CPOX: variants seen among roughly 807,000 people sequenced by gnomAD.
CPOX encodes the protein oxygen-dependent coproporphyrinogen-III oxidase, mitochondrial.
Under a neutral mutation model 48.9 loss-of-function variants are expected in CPOX, and 24 were observed. The ratio of observed to expected loss-of-function variants is 0.49; its 90% CI spans 0.36 to 0.69. CPOX has a LOEUF of 0.69. Ranked by LOEUF, CPOX falls within the 30% of genes least tolerant of loss-of-function variation. The probability of loss-of-function intolerance (pLI) is 0.00; values close to 1 mark genes in which losing one functional copy is unlikely to be tolerated. For synonymous variants in CPOX, 249 were observed against 234.6 expected (o/e 1.06, Z -0.56); for missense variants, 549 against 597.3 (o/e 0.92, Z 0.84).
chr3:98,593,569 A>G lies in CPOX; in HGVS notation c.-65T>C. On this transcript the variant is annotated 5_prime_UTR_variant, in exon 1 of 7. Transcript: ENST00000647941. ...AGCCCTGCGTTTGAGCCCCCCACCC[A>G]GACCCCCGGAGTATTGAGCCGGCGA... 1 of 1,450,652 alleles carries G rather than the reference A, an allele frequency of 6.9e-7. No homozygotes were observed. The highest frequency in any genetic ancestry group is 9.2e-7 in the Non-Finnish European group (1 of 1,089,454). 89.9% of individuals were successfully genotyped at this position (1,450,652 alleles called of 1,614,324 possible). A position where few individuals can be genotyped will look rare whatever the true frequency, so the allele number is the denominator to read the frequency against.
chr3:98,588,811 T>C lies in CPOX; in HGVS notation c.855A>G (p.Pro285=). The C allele has an allele frequency of 6.2e-7, 1 of 1,614,216 alleles. No individual in the cohort carries two copies. The highest frequency in any genetic ancestry group is 1.3e-5 in the African/African-American group (1 of 75,062). The change falls in exon 4 of 7, where the codon CCA becomes CCG. Residue 285 remains proline, a synonymous_variant. Coordinates refer to ENST00000647941, the MANE Select transcript of CPOX (RefSeq NM_000097.7). ...WWFGGGCDLT[P]TYLNQEDAVH... is the part of the protein sequence containing the mutation. ...CAGCGTCTTCTTGATTCAAGTATGTTGGAGTGAGGTCACATCCACCACCAA... is the reference window on the plus strand; with the variant it reads ...CAGCGTCTTCTTGATTCAAGTATGTCGGAGTGAGGTCACATCCACCACCAA...
At position 98,579,611 on chromosome 3, in the gene CPOX, G is replaced by A. The variant is rs148251059; in HGVS notation, c.*1072C>T. 8.0e-3 allele frequency: 7,852 copies of A among 983,454 alleles called. 31 individuals are homozygous for A. The highest frequency in any genetic ancestry group is 0.011 in the Middle Eastern group (21 of 1,910). 60.9% of individuals were successfully genotyped at this position (983,454 alleles called of 1,614,324 possible). On this transcript the variant is annotated 3_prime_UTR_variant, in exon 7 of 7. Transcript: ENST00000647941. ...TCTTCCTTATAAACTTTATTACGAA[G>A]CAAATAAAATAATACATTCATAATA...
chr3:98,593,285 C>A lies in CPOX; in HGVS notation c.220G>T (p.Val74Leu), dbSNP rs886944037. The change falls in exon 1 of 7, where the codon GTG becomes TTG. Residue 74 changes from valine (V) to leucine (L), a missense_variant. Physicochemically the swap from Val to Leu is conservative, Grantham distance 32. Transcript: ENST00000647941. ...AGCGCCGCGGCCAGCCCTGTCCCCA[C>A]CCAGGGGCCGCCTCTCGACGTCGAG... ...HGSTSRGGPW[V>L]GTGLAAALAG... 6.2e-6 allele frequency: 9 copies of A among 1,457,602 alleles called. No homozygotes were observed. The highest frequency in any genetic ancestry group is 1.4e-5 in the South Asian group (1 of 69,150). 90.3% of individuals were successfully genotyped at this position (1,457,602 alleles called of 1,614,324 possible).
chr3:98,590,602 A>G (rs758696436), intron 3 of CPOX, 30 bp downstream of exon 3: 2 of 1,446,416 alleles, frequency 1.4e-6, no homozygotes, highest in Non-Finnish European at 1.9e-6. Context: ...TTTGCACGAC[A>G]GTACTTTCCG....
intron 4 of CPOX, among the ~76,000 whole-genome samples, chr3:98,587,152 A>G (rs1707380260): frequency 6.6e-6 from 1 of 152,176 alleles, no homozygotes; most frequent in African/African-American, 2.4e-5. Flanking sequence ...AACAACAACA[A>G]AAAACAACAG....
chr3:98,581,391 T>C lies in CPOX; in HGVS notation c.1277+16A>G, dbSNP rs368739316. 1.8e-5 allele frequency: 28 copies of C among 1,558,294 alleles called. No individual in the cohort carries two copies. The African/African-American group carries it at 3.7e-4, about 20-fold the overall frequency. ...GGGAGTGTAGGGATAACTACTAAAA[T>C]GAGTTATCTCCTTACCGGGCAGTTA... On this transcript the variant is annotated intron_variant, in intron 6 of 6. Coordinates refer to ENST00000647941, the MANE Select transcript of CPOX (RefSeq NM_000097.7).
the CPOX span, among the ~76,000 whole-genome samples, chr3:98,571,477 A>G: frequency 2.6e-5 from 4 of 151,762 alleles, no homozygotes; most frequent in African/African-American, 7.3e-5. Context: ...TCACGAGGTC[A>G]GGAGATCGAG....
chr3:98,579,633 A>G lies in CPOX; in HGVS notation c.*1050T>C. On this transcript the variant is annotated 3_prime_UTR_variant, in exon 7 of 7. Transcript: ENST00000647941. ...GAAGCAAATAAAATAATACATTCAT[A>G]ATATATGAACAAAGAAATCATACAT... is the stretch of plus-strand genomic sequence containing the variant. 1.0e-6 allele frequency: 1 copy of G among 984,036 alleles called. No individual in the cohort carries two copies. Among genetic ancestry groups the G allele is most frequent in the Non-Finnish European group, 1.2e-6 (1 of 828,646 alleles). The allele number at this position is 984,036 out of a possible 1,614,324, so 61.0% of individuals were successfully genotyped here.
At position 98,580,204 on chromosome 3, in the gene CPOX, C is replaced by T. The variant is rs930412737; in HGVS notation, c.*479G>A. The T allele has an allele frequency of 1.7e-5, 17 of 994,084 alleles. No individual in the cohort carries two copies. The highest frequency in any genetic ancestry group is 1.7e-5 in the African/African-American group (1 of 57,172). The allele number at this position is 994,084 out of a possible 1,614,324, so 61.6% of individuals were successfully genotyped here. A position where few individuals can be genotyped will look rare whatever the true frequency, so the allele number is the denominator to read the frequency against. ...TATATAAGGATTACAGCAGAGACTT[C>T]AGTATTGACAAAGTAAAATTTTTAC... On this transcript the variant is annotated 3_prime_UTR_variant, in exon 7 of 7. Coordinates refer to ENST00000647941, the MANE Select transcript of CPOX (RefSeq NM_000097.7).
intron 5 of CPOX, 36 bp from the exon 6 acceptor site, chr3:98,581,547 C>T (rs374933974): frequency 1.4e-5 from 21 of 1,510,500 alleles, no homozygotes; most frequent in Non-Finnish European, 1.8e-5. Context: ...TAAGGGCCAG[C>T]TCAATAAAAT....
At chr3:98,571,544 C>T in the CPOX span, among the ~76,000 whole-genome samples, 2 of 150,840 alleles carry the variant, frequency 1.3e-5, no homozygotes, top group African/African-American at 2.4e-5. Context: ...AAAAATTAGC[C>T]GGGCGTAGTG....
intron 5 of CPOX, among the ~76,000 whole-genome samples, chr3:98,582,694 T>G (rs1707280975): frequency 1.3e-5 from 2 of 152,128 alleles, no homozygotes; most frequent in African/African-American, 4.8e-5. Context: ...GGTCTCATAG[T>G]GTTAGCCAGG....
intron 5 of CPOX, 96 bp from the exon 6 acceptor site, chr3:98,581,607 C>G (rs1456310259): frequency 2.1e-6 from 2 of 954,866 alleles, no homozygotes; most frequent in South Asian, 2.7e-5. Flanking sequence ...GTTCTTCCCC[C>G]CAGTTCCCAT....
chr3:98,575,006 A>G (rs1236245262), downstream of CPOX, among the ~76,000 whole-genome samples: 1 of 152,254 alleles, frequency 6.6e-6, no homozygotes, highest in Non-Finnish European at 1.5e-5. Context: ...AAGAATGTCA[A>G]GCAGCAGGTG....
chr3:98,593,573 C>A lies in CPOX; in HGVS notation c.-69G>T, dbSNP rs879217331. On this transcript the variant is annotated 5_prime_UTR_variant, in exon 1 of 7. Coordinates refer to ENST00000647941, the MANE Select transcript of CPOX (RefSeq NM_000097.7). Reference sequence around the variant, plus strand: ...CTGCGTTTGAGCCCCCCACCCAGACCCCCGGAGTATTGAGCCGGCGAGCTG... The same window carrying A: ...CTGCGTTTGAGCCCCCCACCCAGACACCCGGAGTATTGAGCCGGCGAGCTG... The A allele has an allele frequency of 2.8e-6, 4 of 1,447,670 alleles. No individual in the cohort carries two copies. In the African/African-American group the frequency reaches 5.8e-5, roughly 21 times the overall value. The allele number at this position is 1,447,670 out of a possible 1,614,324, so 89.7% of individuals were successfully genotyped here. A position where few individuals can be genotyped will look rare whatever the true frequency, so the allele number is the denominator to read the frequency against.
At chr3:98,573,624 C>A in the CPOX span, among the ~76,000 whole-genome samples, 13 of 152,076 alleles carry the variant, frequency 8.5e-5, no homozygotes, top group Non-Finnish European at 1.8e-4. Context: ...TTCTGCTCCA[C>A]CTACTGGTTC....
At chr3:98,587,304 A>T (rs932987613) in intron 4 of CPOX, among the ~76,000 whole-genome samples, 2 of 152,068 alleles carry the variant, frequency 1.3e-5, no homozygotes, top group East Asian at 3.8e-4. Context: ...AACCCAAATC[A>T]TACTATTTCA....
chr3:98,591,139 G>A lies in CPOX; in HGVS notation c.573C>T (p.Ser191=), dbSNP rs1287857090. 1 of 1,614,158 alleles carries A rather than the reference G, an allele frequency of 6.2e-7. No homozygotes were observed. Among genetic ancestry groups the A allele is most frequent in the Non-Finnish European group, 8.5e-7 (1 of 1,180,016 alleles). Residue 191 remains serine (S), a synonymous_variant, in exon 2 of 7, where the codon AGC becomes AGT. Coordinates refer to ENST00000647941, the MANE Select transcript of CPOX (RefSeq NM_000097.7). ...AAACACACCCATCTTGAAGTACACA[G>A]CTGATGCCGCCACCTCCTGTGTATA... ...WERKEGGGGI[S]CVLQDGCVFE... is the part of the protein sequence containing the mutation.
intron 4 of CPOX, 47 bp from the exon 5 acceptor site, chr3:98,585,706 A>C: frequency 6.9e-7 from 1 of 1,455,408 alleles, no homozygotes; most frequent in Non-Finnish European, 9.7e-7. Context: ...GGAAAAAAAC[A>C]GACATGAAAA....
Sources: allele counts gnomAD v4.1 joint callset (sites outside exome capture counted in the v4.1 genomes callset), GRCh38; gene constraint gnomAD v4.1.1; transcripts MANE v1.5; gene names NCBI Gene and HGNC (gene_info 2026-07-23, HGNC 2026-07-21).